FZR1: variants seen among roughly 807,000 people sequenced by gnomAD.
FZR1 encodes the protein fizzy and cell division cycle 20 related 1, also known as fizzy-related protein homolog.
Under a neutral mutation model 63.6 loss-of-function variants are expected in FZR1, and 11 were observed. The ratio of observed to expected loss-of-function variants is 0.17; its 90% confidence interval spans 0.11 to 0.29. The LOEUF is 0.29. Ranked by LOEUF, FZR1 falls within the 10% of genes least tolerant of loss-of-function variation. FZR1 has a pLI of 1.00. For synonymous variants in FZR1, 328 were observed against 297.9 expected (o/e 1.10, Z -1.04); for missense variants, 440 against 687.5 (o/e 0.64, Z 4.03).
At position 3,506,463 on chromosome 19, in the gene FZR1, G is replaced by A. The variant is rs2082983488; in HGVS notation, c.-46G>A. The A allele has an allele frequency of 2.0e-5, 3 of 151,644 alleles. No homozygotes were observed. The highest frequency in any genetic ancestry group is 1.3e-4 in the Admixed American group (2 of 15,242). 9.4% of individuals were successfully genotyped at this position (151,644 alleles called of 1,614,324 possible). A position where few individuals can be genotyped will look rare whatever the true frequency, so the allele number is the denominator to read the frequency against. ...GGTCGGCGGGAGCCAGCGAGCCACG[G>A]GAGCGAGCCAGGTGAGGCGGCCGGG... On this transcript the variant is annotated 5_prime_UTR_variant, in exon 1 of 14. Coordinates refer to ENST00000441788, the MANE Select transcript of FZR1 (RefSeq NM_016263.4).
At position 3,535,023 on chromosome 19, in the gene FZR1, C is replaced by T; in HGVS notation, c.*187C>T. On this transcript the variant is annotated 3_prime_UTR_variant, in exon 14 of 14. Transcript: ENST00000441788. Reference sequence around the variant, plus strand: ...GATTGTGAACCATGTCCACCAGTATCTGGGGTGGGCACGTGGTCGGGGACC... The same window carrying T: ...GATTGTGAACCATGTCCACCAGTATTTGGGGTGGGCACGTGGTCGGGGACC... The T allele has an allele frequency of 1.6e-6, 1 of 607,834 alleles. No homozygotes were observed. Among genetic ancestry groups the T allele is most frequent in the South Asian group, 1.9e-5 (1 of 51,956 alleles). The allele number at this position is 607,834 out of a possible 1,614,324, so 37.7% of individuals were successfully genotyped here.
rs934876556 is a variant in FZR1 at position 3,533,832 on chromosome 19, T to C, written c.1347+434T>C. 1.6e-5 allele frequency: 3 copies of C among 182,034 alleles called. No homozygotes were observed. Among genetic ancestry groups the C allele is most frequent in the Non-Finnish European group, 2.3e-5 (2 of 87,688 alleles). 11.3% of individuals were successfully genotyped at this position (182,034 alleles called of 1,614,324 possible). Reference sequence around the variant, plus strand: ...GATTTTGTTTCTTCCCTGAAAAACATGTTCTGTGCTTTCATCCGCGCATCT... The same window carrying C: ...GATTTTGTTTCTTCCCTGAAAAACACGTTCTGTGCTTTCATCCGCGCATCT... On this transcript the variant is annotated intron_variant, in intron 12 of 13. Coordinates refer to ENST00000441788, the MANE Select transcript of FZR1 (RefSeq NM_016263.4). The surrounding 1 kb of genome is among the most constrained non-coding windows in gnomAD (Gnocchi z 4.9).
At chr19:3,508,200 CTTTT>C (rs71166908) in intron 1 of FZR1, among the ~76,000 whole-genome samples, 1 of 91,112 alleles carries the variant, frequency 1.1e-5, no homozygotes, top group African/African-American at 4.7e-5. Context: ...CATTGATTTT[CTTTT>C]TTTTTTTTTT....
At position 3,536,174 on chromosome 19, in the gene FZR1, T is replaced by C. The variant is rs1352107620; in HGVS notation, c.*1338T>C. The C allele has an allele frequency of 6.6e-6, 1 of 152,288 alleles. No individual in the cohort carries two copies. The highest frequency in any genetic ancestry group is 1.5e-5 in the Non-Finnish European group (1 of 68,086). The allele number at this position is 152,288 out of a possible 1,614,324, so 9.4% of individuals were successfully genotyped here. A position where few individuals can be genotyped will look rare whatever the true frequency, so the allele number is the denominator to read the frequency against. ...GGGTTGGCGTGCATGTGTACATATGTATTTGTGACTTTTCTTTGGATTTGT... is the reference window on the plus strand; with the variant it reads ...GGGTTGGCGTGCATGTGTACATATGCATTTGTGACTTTTCTTTGGATTTGT... On this transcript the variant is annotated 3_prime_UTR_variant, in exon 14 of 14. Transcript: ENST00000441788.
rs374922648 is a variant in FZR1, at chr19:3,526,255, G to A, written c.260-4G>A. 8.1e-5 allele frequency: 131 copies of A among 1,611,452 alleles called. No homozygotes were observed. The Middle Eastern group carries it at 1.2e-3, about 14-fold the overall frequency. ...CCCCGCCTCACTGTGCTTGGTGCCC[G>A]CAGACGGCCTGGCCTACTCTGCCCT... On this transcript the variant is annotated splice_region_variant and splice_polypyrimidine_tract_variant and intron_variant, in intron 4 of 13. Transcript: ENST00000441788. This position sits in a 1 kb window ranked among gnomAD's most constrained non-coding sequence, Gnocchi z 5.4.
chr19:3,536,590 G>C lies in FZR1; in HGVS notation c.*1754G>C, dbSNP rs1416103015. 1.3e-5 allele frequency: 2 copies of C among 152,320 alleles called. No homozygotes were observed. Among genetic ancestry groups the C allele is most frequent in the Non-Finnish European group, 2.9e-5 (2 of 68,102 alleles). The allele number at this position is 152,320 out of a possible 1,614,324, so 9.4% of individuals were successfully genotyped here. On this transcript the variant is annotated 3_prime_UTR_variant, in exon 14 of 14. Coordinates refer to ENST00000441788, the MANE Select transcript of FZR1 (RefSeq NM_016263.4). ...TGCACAACCCACAGTGGCCTTCAGA[G>C]GCTCCTCCTGGGACTGGGAACCGCC... is the stretch of plus-strand genomic sequence containing the variant.
At chr19:3,529,881 T>G (rs1599789791) in intron 7 of FZR1, among the ~76,000 whole-genome samples, 2 of 83,462 alleles carry the variant, frequency 2.4e-5, no homozygotes, top group Admixed American at 1.5e-4. Flanking sequence ...GGTGAGCGGG[T>G]GGGAGAGCGG....
rs1269681842 is a variant in FZR1 at position 3,515,730 on chromosome 19, C to T, written c.-34-7226C>T. Among the ~76,000 whole-genome samples the T allele has an allele frequency of 6.7e-6, 1 of 149,938 alleles. No individual in the cohort carries two copies. Among genetic ancestry groups the T allele is most frequent in the Non-Finnish European group, 1.5e-5 (1 of 67,726 alleles). Reference sequence around the variant, plus strand: ...GCAGTGAGCAGAGATCGCACCACTGCAGTCCAGCCTGGGTGACAGAGCCAG... The same window carrying T: ...GCAGTGAGCAGAGATCGCACCACTGTAGTCCAGCCTGGGTGACAGAGCCAG... On this transcript the variant is annotated intron_variant, in intron 1 of 13. Coordinates refer to ENST00000441788, the MANE Select transcript of FZR1 (RefSeq NM_016263.4). The surrounding 1 kb of genome is among the most constrained non-coding windows in gnomAD (Gnocchi z 4.6).
Position 3,533,545 on chromosome 19 carries a change from A to G in FZR1, c.1347+147A>G. The G allele has an allele frequency of 1.6e-6, 1 of 613,938 alleles. No homozygotes were observed. Among genetic ancestry groups the G allele is most frequent in the Non-Finnish European group, 3.0e-6 (1 of 338,944 alleles). The allele number at this position is 613,938 out of a possible 1,614,324, so 38.0% of individuals were successfully genotyped here. A position where few individuals can be genotyped will look rare whatever the true frequency, so the allele number is the denominator to read the frequency against. ...ACCCAGCAGCAGGGGCCGGCAGGGC[A>G]TCTGGTGCTGGTTGTGTTGCCAGCG... On this transcript the variant is annotated intron_variant, in intron 12 of 13. Coordinates refer to ENST00000441788, the MANE Select transcript of FZR1 (RefSeq NM_016263.4). The surrounding 1 kb of genome is among the most constrained non-coding windows in gnomAD (Gnocchi z 4.9).
intron 11 of FZR1, 39 bp downstream of exon 11, chr19:3,532,689 A>G (rs1326404906): frequency 1.4e-6 from 2 of 1,402,454 alleles, no homozygotes; most frequent in Non-Finnish European, 2.0e-6. Flanking sequence ...AGGCCTCAGG[A>G]TGTGCGTCCT....
In FZR1 at chr19:3,516,934, C is replaced by T. The variant is rs772849916; in HGVS notation, c.-34-6022C>T. The stretch of plus-strand genomic sequence containing the variant: ...GCCGTGTGCAGCTGCAGCTGGCGCC[C>T]GGTGTATTTGCTTTCAGTGCTGACT... On this transcript the variant is annotated intron_variant, in intron 1 of 13. Transcript: ENST00000441788. This position sits in a 1 kb window ranked among gnomAD's most constrained non-coding sequence, Gnocchi z 6.0. Among the ~76,000 whole-genome samples, 15 of 152,196 alleles carry T rather than the reference C, an allele frequency of 9.9e-5. No homozygotes were observed. The highest frequency in any genetic ancestry group is 2.2e-4 in the African/African-American group (9 of 41,440).
In FZR1 at chr19:3,533,174, C is replaced by T. The variant is rs762394499; in HGVS notation, c.1243-120C>T. On this transcript the variant is annotated intron_variant, in intron 11 of 13. Coordinates refer to ENST00000441788, the MANE Select transcript of FZR1 (RefSeq NM_016263.4). The surrounding 1 kb of genome is among the most constrained non-coding windows in gnomAD (Gnocchi z 4.9). ...CCACATCCCAGCATCCCCTGCTCCT[C>T]CTGGGCTGGCTGGCGGCTCTGAGCT... 161 of 701,142 alleles carry T rather than the reference C, an allele frequency of 2.3e-4. No individual in the cohort carries two copies. The highest frequency in any genetic ancestry group is 3.7e-4 in the Non-Finnish European group (142 of 388,408). The allele number at this position is 701,142 out of a possible 1,614,324, so 43.4% of individuals were successfully genotyped here.
At chr19:3,522,336 C>A (rs1293475467) in intron 1 of FZR1, among the ~76,000 whole-genome samples, 3 of 152,200 alleles carry the variant, frequency 2.0e-5, no homozygotes, top group East Asian at 1.9e-4. Context: ...TAAATGCCAC[C>A]CCCTTGGAGG....
rs1374947012 is a variant in FZR1, at chr19:3,536,143, C to A, written c.*1307C>A. 1 of 152,270 alleles carries A rather than the reference C, an allele frequency of 6.6e-6. No homozygotes were observed. The highest frequency in any genetic ancestry group is 1.5e-5 in the Non-Finnish European group (1 of 68,074). 9.4% of individuals were successfully genotyped at this position (152,270 alleles called of 1,614,324 possible). ...CATCCCAACATCCTGGTGTCTGTCC[C>A]CAGTGGGGTTGGCGTGCATGTGTAC... On this transcript the variant is annotated 3_prime_UTR_variant, in exon 14 of 14. Transcript: ENST00000441788.
At chr19:3,518,250 G>A (rs950117903) in intron 1 of FZR1, among the ~76,000 whole-genome samples, 3 of 152,066 alleles carry the variant, frequency 2.0e-5, no homozygotes, top group African/African-American at 7.2e-5. Context: ...CTGAGCTCAG[G>A]TGATCTGTCC....
In FZR1 at chr19:3,525,870, C is replaced by G. The variant is rs748652645; in HGVS notation, c.72C>G (p.Val24=). The G allele has an allele frequency of 3.7e-6, 6 of 1,611,122 alleles. No homozygotes were observed. The East Asian group carries it at 1.3e-4, about 36-fold the overall frequency. The change falls in exon 3 of 14, where the codon GTC becomes GTG. Residue 24 remains valine, a splice_region_variant and synonymous_variant. Transcript: ENST00000441788. This position sits in a 1 kb window ranked among gnomAD's most constrained non-coding sequence, Gnocchi z 4.2. ...AGCCCTCTGCTGATGCCCTTCAGGT[C>G]ACAGAGATGCGGCGGACCCTGACGC... The part of the protein sequence containing the change: ...VIQNENTMPR[V]TEMRRTLTPA...
chr19:3,513,229 C>T (rs1253605005), intron 1 of FZR1, among the ~76,000 whole-genome samples: 3 of 151,982 alleles, frequency 2.0e-5, no homozygotes, highest in South Asian at 2.1e-4. Flanking sequence ...TTGCAGGGGT[C>T]GGGACCTGTG....
chr19:3,519,009 G>T (rs1469645339), intron 1 of FZR1, among the ~76,000 whole-genome samples: 2 of 152,242 alleles, frequency 1.3e-5, no homozygotes, highest in East Asian at 3.8e-4. Flanking sequence ...GGAGGGCTCT[G>T]TTCATGTGTG....
In FZR1 at chr19:3,538,283, T is replaced by G. The variant is rs73920148; in HGVS notation, c.*3447T>G. The G allele has an allele frequency of 0.054, 8,950 of 165,238 alleles. 827 individuals carry two copies. Among genetic ancestry groups the G allele is most frequent in the African/African-American group, 0.2 (8,271 of 41,474 alleles). The allele number at this position is 165,238 out of a possible 1,614,324, so 10.2% of individuals were successfully genotyped here. On this transcript the variant is annotated 3_prime_UTR_variant, in exon 14 of 14. Transcript: ENST00000441788. The stretch of plus-strand genomic sequence containing the variant: ...ATGTTTGTTGGGTTTGGTTTGGTTT[T>G]GTTTTGTTTTGTTTATTGTGGTAAA...
Sources: gnomAD v4.1 joint callset for allele counts (sites outside exome capture counted in the v4.1 genomes callset) on GRCh38, gnomAD v4.1.1 for gene constraint, Gnocchi (gnomAD v3.1) non-coding constraint, MANE v1.5 for transcripts, NCBI Gene and HGNC (gene_info 2026-07-23, HGNC 2026-07-21) for gene names.